EPHA7: variants seen among roughly 807,000 people sequenced by gnomAD.
EPHA7 encodes EPH receptor A7, also known as ephrin type-A receptor 7.
EPHA7 carries 25 observed loss-of-function variants against 112.6 expected under a neutral mutation model. That is an observed-to-expected ratio of 0.22 (90% CI 0.16 to 0.31). The LOEUF (loss-of-function observed/expected upper bound fraction) is 0.31, where lower values mean the gene tolerates loss of function less well. Ranked by LOEUF, EPHA7 falls within the 10% of genes least tolerant of loss-of-function variation. The probability of loss-of-function intolerance (pLI) is 1.00; values close to 1 mark genes in which losing one functional copy is unlikely to be tolerated. For missense variants in EPHA7, 962 were observed against 1,212.6 expected (o/e 0.79, Z 3.07); for synonymous variants, 437 against 406.5 (o/e 1.07, Z -0.90).
At chr6:93,405,801 G>GTATATATA (rs1476234281) in intron 3 of EPHA7, among the ~76,000 whole-genome samples, 12 of 64,344 alleles carry the variant, frequency 1.9e-4, no homozygotes, top group East Asian at 6.0e-4. Flanking sequence ...GTGTGTGTGT[G>GTATATATA]TGTGTGTGTG....
intron 3 of EPHA7, among the ~76,000 whole-genome samples, chr6:93,396,166 G>A (rs1033060376): frequency 6.6e-6 from 1 of 151,770 alleles, no homozygotes; most frequent in African/African-American, 2.4e-5. Flanking sequence ...TTTATCTGTC[G>A]AAATTAACCT....
intron 5 of EPHA7, among the ~76,000 whole-genome samples, chr6:93,277,978 A>T (rs1415131197): frequency 6.6e-6 from 1 of 152,004 alleles, no homozygotes; most frequent in Non-Finnish European, 1.5e-5. Flanking sequence ...ACCTAATAAG[A>T]ACTACAAAAG....
intron 5 of EPHA7, among the ~76,000 whole-genome samples, chr6:93,332,596 A>G (rs1434674905): frequency 6.6e-6 from 1 of 151,750 alleles, no homozygotes; most frequent in African/African-American, 2.4e-5. Flanking sequence ...AAACAAGTTT[A>G]TAAAAACATT....
chr6:93,401,138 T>C (rs925755993), intron 3 of EPHA7, among the ~76,000 whole-genome samples: 13 of 152,122 alleles, frequency 8.5e-5, no homozygotes, highest in South Asian at 6.2e-4. Flanking sequence ...TATGTGTCCT[T>C]TCAAAGCCCC....
chr6:93,261,181 A>G (rs559649429), intron 9 of EPHA7, among the ~76,000 whole-genome samples: 11 of 151,558 alleles, frequency 7.3e-5, no homozygotes, highest in Non-Finnish European at 1.3e-4. Context: ...GTAAATTCGA[A>G]TTGCTTCACT....
chr6:93,412,077 A>T (rs530610677), intron 2 of EPHA7, among the ~76,000 whole-genome samples: 1 of 152,242 alleles, frequency 6.6e-6, no homozygotes, highest in African/African-American at 2.4e-5. Context: ...TCATTAATCA[A>T]TAAAATCATT....
At chr6:93,344,728 T>C (rs1438586015) in intron 5 of EPHA7, among the ~76,000 whole-genome samples, 6 of 151,598 alleles carry the variant, frequency 4.0e-5, no homozygotes, top group Non-Finnish European at 8.9e-5. Flanking sequence ...TGACCTCCTG[T>C]GACACTTGAT....
At chr6:93,291,767 C>CA (rs66483422) in intron 5 of EPHA7, among the ~76,000 whole-genome samples, 997 of 71,652 alleles carry the variant, frequency 0.014, 57 homozygotes, top group African/African-American at 0.053. Context: ...GACTCCGTCT[C>CA]AAAAAAAAAA....
intron 5 of EPHA7, among the ~76,000 whole-genome samples, chr6:93,308,760 A>T (rs1773385527): frequency 6.6e-6 from 1 of 152,006 alleles, no homozygotes; most frequent in Non-Finnish European, 1.5e-5. Flanking sequence ...AGAGAAATGT[A>T]GGTTCAACAT....
At chr6:93,298,249 G>T (rs887695857) in intron 5 of EPHA7, among the ~76,000 whole-genome samples, 3 of 152,020 alleles carry the variant, frequency 2.0e-5, no homozygotes, top group East Asian at 3.9e-4. Flanking sequence ...AGTGGGAGCC[G>T]ACAGTCAGAA....
chr6:93,310,738 T>C (rs1773491070), intron 5 of EPHA7, among the ~76,000 whole-genome samples: 2 of 152,012 alleles, frequency 1.3e-5, no homozygotes, highest in Admixed American at 1.3e-4. Flanking sequence ...ATATCTAAAA[T>C]CTTCATTAAA....
intron 5 of EPHA7, among the ~76,000 whole-genome samples, chr6:93,331,409 T>C (rs1050947403): frequency 6.6e-6 from 1 of 150,944 alleles, no homozygotes; most frequent in Non-Finnish European, 1.5e-5. Context: ...CCTGAATACA[T>C]GCCTTCCTGA....
intron 3 of EPHA7, among the ~76,000 whole-genome samples, chr6:93,400,249 T>C (rs1251335643): frequency 6.6e-6 from 1 of 152,104 alleles, no homozygotes; most frequent in Non-Finnish European, 1.5e-5. Context: ...AGTAAGCTAA[T>C]GCCATTTGGT....
At chr6:93,335,793 T>A (rs1209225420) in intron 5 of EPHA7, among the ~76,000 whole-genome samples, 1 of 152,082 alleles carries the variant, frequency 6.6e-6, no homozygotes, top group African/African-American at 2.4e-5. Context: ...TTTCTTTGTA[T>A]TTTGTGAAAA....
At chr6:93,411,713 T>C (rs75792045) in intron 2 of EPHA7, among the ~76,000 whole-genome samples, 3,139 of 152,242 alleles carry the variant, frequency 0.021, 84 homozygotes, top group African/African-American at 0.065. Flanking sequence ...AAATGAGATA[T>C]AAGGAAGTAA....
Position 93,411,122 on chromosome 6 carries a change from A to G in EPHA7, c.211T>C (p.Tyr71His). 2 of 1,613,782 alleles carry G rather than the reference A, an allele frequency of 1.2e-6. No individual in the cohort carries two copies. Among genetic ancestry groups the G allele is most frequent in the East Asian group, 2.2e-5 (1 of 44,864 alleles). Residue 71 changes from tyrosine (Y) to histidine (H), a missense_variant, in exon 3 of 17, where the codon TAC becomes CAC. Physicochemically the swap from Tyr to His is moderately conservative, Grantham distance 83 (BLOSUM62 2). This residue lies in a region of EPHA7 where 160 missense variants were observed against 263.6 expected (regional missense o/e 0.61). Transcript: ENST00000369303. The stretch of plus-strand genomic sequence containing the variant: ...GGCTCCATGACTTGGCACACCTGGT[A>G]TGTTCGTATCGGGGTATAGTTCTCA... ...LDENYTPIRTYQVCQVMEPNQ... is the reference protein window; with the variant it reads ...LDENYTPIRTHQVCQVMEPNQ...
At chr6:93,274,168 G>A (rs1771361634) in intron 5 of EPHA7, among the ~76,000 whole-genome samples, 1 of 151,776 alleles carries the variant, frequency 6.6e-6, no homozygotes, top group Non-Finnish European at 1.5e-5. Flanking sequence ...AAATCTCTAG[G>A]TTTCTTTCAA....
At position 93,410,466 on chromosome 6, in the gene EPHA7, G is replaced by T; in HGVS notation, c.832+35C>A. 2 of 1,560,516 alleles carry T rather than the reference G, an allele frequency of 1.3e-6. No homozygotes were observed. The highest frequency in any genetic ancestry group is 1.7e-6 in the Non-Finnish European group (2 of 1,151,002). ...AATGTCTGATACTGAAATTTAAAAA[G>T]GCAAAGTGGAGTTTTAATAGGACAC... is the stretch of plus-strand genomic sequence containing the variant. On this transcript the variant is annotated intron_variant, in intron 3 of 16. Coordinates refer to ENST00000369303, the MANE Select transcript of EPHA7 (RefSeq NM_004440.4). The surrounding 1 kb of genome is among the most constrained non-coding windows in gnomAD (Gnocchi z 4.0).
chr6:93,357,541 C>T (rs1269827608), intron 4 of EPHA7, among the ~76,000 whole-genome samples: 1 of 152,068 alleles, frequency 6.6e-6, no homozygotes, highest in Non-Finnish European at 1.5e-5. Flanking sequence ...AATTGAAGAA[C>T]CAAGATGTGA....
Sources: allele counts gnomAD v4.1 joint callset (sites outside exome capture counted in the v4.1 genomes callset), GRCh38; gene constraint gnomAD v4.1.1; regional missense constraint gnomAD v4.1.1; non-coding constraint Gnocchi (gnomAD v3.1); transcripts MANE v1.5; gene names NCBI Gene and HGNC (gene_info 2026-07-23, HGNC 2026-07-21).